The following ACTR3C variants were observed in gnomAD, a reference collection of about 807,000 sequenced individuals.
ACTR3C encodes the protein actin related protein 3C.
ACTR3C carries 18 observed loss-of-function variants against 26.3 expected under a neutral mutation model. The observed-to-expected ratio is 0.68, with a 90% CI of 0.47 to 1.01. ACTR3C has a LOEUF of 1.01. Among genes scored for constraint, ACTR3C ranks in the 50% least tolerant of loss-of-function variants. The pLI is 0.00. For missense variants in ACTR3C, 184 were observed against 250.7 expected (o/e 0.73, Z 1.80); for synonymous variants, 55 against 94.5 (o/e 0.58, Z 2.42).
the ACTR3C span, among the ~76,000 whole-genome samples, chr7:150,127,022 A>C: frequency 6.6e-6 from 1 of 152,298 alleles, no homozygotes; most frequent in African/African-American, 2.4e-5. Context: ...TTACACATTA[A>C]AGGTTCTGTA....
At chr7:149,926,268 C>T in the ACTR3C span, among the ~76,000 whole-genome samples, 1 of 152,098 alleles carries the variant, frequency 6.6e-6, no homozygotes, top group Admixed American at 6.5e-5. Flanking sequence ...GTTAATATTC[C>T]CTATGTGCAG....
rs1297649575 is a variant in ACTR3C, at chr7:150,274,552, A to T, written c.564+10201T>A. On this transcript the variant is annotated intron_variant, in intron 6 of 7. Coordinates refer to ENST00000683684, the MANE Select transcript of ACTR3C (RefSeq NM_001164458.2). The surrounding 1 kb of genome is among the most constrained non-coding windows in gnomAD (Gnocchi z 4.1). ...AAAATCTCCAAGTTATGCCTGTAGTAATATCTATCACATATCAAGTACTAC... is the reference window on the plus strand; with the variant it reads ...AAAATCTCCAAGTTATGCCTGTAGTTATATCTATCACATATCAAGTACTAC... Among the ~76,000 whole-genome samples the T allele has an allele frequency of 6.6e-6, 1 of 152,196 alleles. No individual in the cohort carries two copies. Among genetic ancestry groups the T allele is most frequent in the Non-Finnish European group, 1.5e-5 (1 of 68,034 alleles).
chr7:149,893,944 C>T, the ACTR3C span, among the ~76,000 whole-genome samples: 1 of 152,170 alleles, frequency 6.6e-6, no homozygotes, highest in Admixed American at 6.6e-5. Flanking sequence ...CCTAAGTTCA[C>T]ATGGAACCAC....
the ACTR3C span, among the ~76,000 whole-genome samples, chr7:149,894,278 CT>C: frequency 6.6e-6 from 1 of 152,170 alleles, no homozygotes; most frequent in Non-Finnish European, 1.5e-5. Flanking sequence ...AATGTAAGAC[CT>C]GAAACTGTGG....
the ACTR3C span, among the ~76,000 whole-genome samples, chr7:149,913,857 G>C: frequency 1.5e-3 from 215 of 139,856 alleles, no homozygotes; most frequent in Non-Finnish European, 2.2e-3. Flanking sequence ...ATACTGGTCA[G>C]AAGTTCAGAA....
chr7:150,310,004 C>T (rs113173588), intron 1 of ACTR3C, among the ~76,000 whole-genome samples: 4,329 of 152,218 alleles, frequency 0.028, 221 homozygotes, highest in African/African-American at 0.099. Context: ...TGGGTATTGA[C>T]GGCCAAGCTT....
At chr7:150,001,827 A>G in the ACTR3C span, 3 of 151,696 alleles carry the variant, frequency 2.0e-5, no homozygotes, top group African/African-American at 7.3e-5. Flanking sequence ...GCATGCAGAA[A>G]GGAGATGGCC....
the ACTR3C span, among the ~76,000 whole-genome samples, chr7:149,972,427 AT>A: frequency 6.6e-6 from 1 of 152,286 alleles, no homozygotes; most frequent in Middle Eastern, 3.4e-3. Flanking sequence ...CCACGTTCCC[AT>A]CTGCCTGCTC....
intron 1 of ACTR3C, among the ~76,000 whole-genome samples, chr7:150,308,251 C>T (rs549494240): frequency 6.6e-6 from 1 of 152,186 alleles, no homozygotes; most frequent in South Asian, 2.1e-4. Context: ...CAACCTTCCA[C>T]CCTCCATTCC....
At chr7:150,112,923 T>A in the ACTR3C span, among the ~76,000 whole-genome samples, 1 of 152,206 alleles carries the variant, frequency 6.6e-6, no homozygotes, top group Non-Finnish European at 1.5e-5. Context: ...GTATTTATGC[T>A]GCTGCATCAC....
the ACTR3C span, among the ~76,000 whole-genome samples, chr7:150,135,165 G>A: frequency 3.9e-5 from 6 of 152,214 alleles, no homozygotes; most frequent in East Asian, 1.9e-4. Context: ...CCAGCTACTC[G>A]GGAGGCTGAG....
chr7:149,998,046 G>A, the ACTR3C span, among the ~76,000 whole-genome samples: 1 of 151,184 alleles, frequency 6.6e-6, no homozygotes, highest in Non-Finnish European at 1.5e-5. Context: ...TCCCACAATA[G>A]GGCCATTCCT....
the ACTR3C span, among the ~76,000 whole-genome samples, chr7:150,136,524 G>C: frequency 6.6e-6 from 1 of 151,952 alleles, no homozygotes; most frequent in Admixed American, 6.6e-5. Context: ...ACAAAAATTG[G>C]CCAGGCATGG....
the ACTR3C span, among the ~76,000 whole-genome samples, chr7:150,212,277 C>T: frequency 1.4e-5 from 2 of 147,772 alleles, no homozygotes; most frequent in Non-Finnish European, 2.9e-5. Flanking sequence ...TAGCTTTTGA[C>T]TTAAAAAAAA....
At chr7:149,895,616 C>T in the ACTR3C span, among the ~76,000 whole-genome samples, 1 of 152,116 alleles carries the variant, frequency 6.6e-6, no homozygotes, top group South Asian at 2.1e-4. Context: ...AGGAGGATAG[C>T]TTGAGCTCAG....
chr7:150,284,680 A>T, intron 6 of ACTR3C, 73 bp downstream of exon 6: 1 of 1,254,264 alleles, frequency 8.0e-7, no homozygotes, highest in East Asian at 2.6e-5. Context: ...ATAGACAGTA[A>T]TACCGTCTTC....
At chr7:150,165,711 C>T in the ACTR3C span, among the ~76,000 whole-genome samples, 1 of 151,986 alleles carries the variant, frequency 6.6e-6, no homozygotes, top group African/African-American at 2.4e-5. Context: ...TGAGGATTTC[C>T]CTCTTGTGCA....
the ACTR3C span, among the ~76,000 whole-genome samples, chr7:149,894,837 A>G: frequency 6.6e-6 from 1 of 151,988 alleles, no homozygotes; most frequent in Non-Finnish European, 1.5e-5. Context: ...GAGGCTCCTC[A>G]AACAATTAAA....
the ACTR3C span, among the ~76,000 whole-genome samples, chr7:150,137,999 G>A: frequency 1.3e-5 from 2 of 152,216 alleles, no homozygotes; most frequent in African/African-American, 4.8e-5. Flanking sequence ...GAAACACAGA[G>A]AAACAAGAAC....
Sources: allele counts gnomAD v4.1 joint callset (sites outside exome capture counted in the v4.1 genomes callset), GRCh38; gene constraint gnomAD v4.1.1; non-coding constraint Gnocchi (gnomAD v3.1); transcripts MANE v1.5; gene names NCBI Gene and HGNC (gene_info 2026-07-23, HGNC 2026-07-21).